The following HIVEP3 variants were observed in gnomAD, a reference collection of about 807,000 sequenced individuals.
The protein encoded by HIVEP3 is HIVEP zinc finger 3.
Under a neutral mutation model 152.8 loss-of-function variants are expected in HIVEP3, and 49 were observed. The ratio of observed to expected loss-of-function variants is 0.32; its 90% CI spans 0.26 to 0.41. The LOEUF is 0.41. HIVEP3 is among the 10% of genes least tolerant of loss of function. The pLI is 1.00. For missense variants in HIVEP3, 2,790 were observed against 3,103.3 expected (o/e 0.90, Z 2.40); for synonymous variants, 1,269 against 1,289.0 (o/e 0.98, Z 0.33).
intron 6 of HIVEP3, among the ~76,000 whole-genome samples, chr1:41,523,390 T>A (rs530603268): frequency 6.6e-6 from 1 of 152,060 alleles, no homozygotes; most frequent in East Asian, 1.9e-4. Context: ...GGAAAGGCAG[T>A]GGGAGGGCAG....
intron 1 of HIVEP3, among the ~76,000 whole-genome samples, chr1:41,730,435 G>T (rs1324602816): frequency 6.6e-6 from 1 of 152,190 alleles, no homozygotes; most frequent in Admixed American, 6.5e-5. Context: ...TGGCACCAGT[G>T]CTCCTAGCCC....
chr1:41,544,727 CACCGCTACCA>C (rs1245025619), intron 5 of HIVEP3, among the ~76,000 whole-genome samples: 5 of 146,828 alleles, frequency 3.4e-5, no homozygotes, highest in Admixed American at 1.3e-4. Context: ...CCTGTACCAC[CACCGCTACCA>C]TCACCACCAC....
intron 2 of HIVEP3, among the ~76,000 whole-genome samples, chr1:41,651,099 G>A (rs1645541534): frequency 6.6e-6 from 1 of 152,142 alleles, no homozygotes; most frequent in African/African-American, 2.4e-5. Flanking sequence ...AACCAATCGA[G>A]GATCAAAAAT....
At chr1:42,035,140 T>C (rs1302269525) in intron 1 of HIVEP3, among the ~76,000 whole-genome samples, 1 of 152,224 alleles carries the variant, frequency 6.6e-6, no homozygotes, top group Non-Finnish European at 1.5e-5. Flanking sequence ...AGTAAATTTG[T>C]CCAACTGGTC....
intron 1 of HIVEP3, among the ~76,000 whole-genome samples, chr1:41,753,043 G>A (rs1442386637): frequency 1.3e-5 from 2 of 152,152 alleles, no homozygotes; most frequent in East Asian, 3.9e-4. Context: ...GCTGTAAAGC[G>A]GTTGTATTCT....
intron 1 of HIVEP3, among the ~76,000 whole-genome samples, chr1:41,773,733 C>T (rs1333209151): frequency 3.9e-5 from 6 of 152,172 alleles, no homozygotes; most frequent in Non-Finnish European, 8.8e-5. Flanking sequence ...AAAAACTGCC[C>T]GAGGTTGCCT....
intron 1 of HIVEP3, among the ~76,000 whole-genome samples, chr1:41,924,736 T>G (rs951471476): frequency 6.6e-6 from 1 of 152,164 alleles, no homozygotes; most frequent in African/African-American, 2.4e-5. Context: ...TGATAAGTGA[T>G]CATGAGAATG....
At chr1:41,638,083 G>T (rs1269184418) in intron 2 of HIVEP3, among the ~76,000 whole-genome samples, 2 of 152,174 alleles carry the variant, frequency 1.3e-5, no homozygotes, top group African/African-American at 2.4e-5. Flanking sequence ...TAAGGGATGA[G>T]AAATCACTTA....
chr1:41,840,846 A>G (rs1007104800), intron 1 of HIVEP3, among the ~76,000 whole-genome samples: 8 of 152,228 alleles, frequency 5.3e-5, no homozygotes, highest in Non-Finnish European at 1.0e-4. Flanking sequence ...AGGAGACTCA[A>G]GTAGAGCACT....
intron 1 of HIVEP3, chr1:41,864,719 G>A (rs1643937282): frequency 6.6e-6 from 1 of 152,236 alleles, no homozygotes; most frequent in African/African-American, 2.4e-5. Flanking sequence ...AATGGTAGCA[G>A]GCCCATGGAA....
At chr1:41,537,988 C>T (rs1643440014) in intron 5 of HIVEP3, among the ~76,000 whole-genome samples, 1 of 152,208 alleles carries the variant, frequency 6.6e-6, no homozygotes. Flanking sequence ...AAATATAAAG[C>T]TAAATAAAAC....
intron 1 of HIVEP3, among the ~76,000 whole-genome samples, chr1:41,861,961 A>G (rs145396608): frequency 1.3e-5 from 2 of 152,296 alleles, no homozygotes; most frequent in African/African-American, 4.8e-5. Context: ...CCACAAAGCA[A>G]ATATCTAAAG....
At chr1:41,718,581 C>T (rs950757729) in intron 1 of HIVEP3, among the ~76,000 whole-genome samples, 6 of 152,156 alleles carry the variant, frequency 3.9e-5, no homozygotes, top group Non-Finnish European at 5.9e-5. Flanking sequence ...CCCAGCCACC[C>T]GGCTTAGCAT....
Position 41,628,896 on chromosome 1 carries a change from G to A in HIVEP3, c.-669C>T, listed in dbSNP as rs933670138. On this transcript the variant is annotated 5_prime_UTR_variant, in exon 3 of 9. Coordinates refer to ENST00000372583, the MANE Select transcript of HIVEP3 (RefSeq NM_024503.5). ...GGCGGGCTTGCTTGGCCAGGACCCCGCGAGGCTCCTCCATGAACTAGGTTG... is the reference window on the plus strand; with the variant it reads ...GGCGGGCTTGCTTGGCCAGGACCCCACGAGGCTCCTCCATGAACTAGGTTG... 30 of 1,231,680 alleles carry A rather than the reference G, an allele frequency of 2.4e-5. No homozygotes were observed. In the African/African-American group the frequency reaches 2.6e-4, roughly 11 times the overall value. The allele number at this position is 1,231,680 out of a possible 1,614,324, so 76.3% of individuals were successfully genotyped here. A position where few individuals can be genotyped will look rare whatever the true frequency, so the allele number is the denominator to read the frequency against.
intron 1 of HIVEP3, among the ~76,000 whole-genome samples, chr1:41,751,552 G>C (rs752280301): frequency 6.6e-5 from 10 of 152,028 alleles, no homozygotes; most frequent in Non-Finnish European, 1.3e-4. Context: ...TTCACGAAAT[G>C]AGCAGGGTTG....
At chr1:41,728,978 G>A (rs770810966) in intron 1 of HIVEP3, among the ~76,000 whole-genome samples, 1 of 152,180 alleles carries the variant, frequency 6.6e-6, no homozygotes, top group Non-Finnish European at 1.5e-5. Context: ...CCACACTGCT[G>A]CCCACAATCT....
intron 1 of HIVEP3, among the ~76,000 whole-genome samples, chr1:42,032,232 C>T (rs1332887642): frequency 6.6e-6 from 1 of 152,222 alleles, no homozygotes; most frequent in African/African-American, 2.4e-5. Flanking sequence ...ACACAAAATG[C>T]TCCAGCCCTA....
At chr1:41,538,375 G>C (rs1018936021) in intron 5 of HIVEP3, among the ~76,000 whole-genome samples, 2 of 152,144 alleles carry the variant, frequency 1.3e-5, no homozygotes, top group African/African-American at 4.8e-5. Flanking sequence ...TAAGAGGGGA[G>C]AGTGGGTCAA....
At chr1:41,638,510 T>C (rs763518321) in intron 2 of HIVEP3, among the ~76,000 whole-genome samples, 16 of 152,234 alleles carry the variant, frequency 1.1e-4, no homozygotes, top group Non-Finnish European at 2.1e-4. Context: ...AACACTAAAC[T>C]GTACATTTAA....
Sources: allele counts gnomAD v4.1 joint callset (sites outside exome capture counted in the v4.1 genomes callset), GRCh38; gene constraint gnomAD v4.1.1; transcripts MANE v1.5; gene names NCBI Gene and HGNC (gene_info 2026-07-23, HGNC 2026-07-21).